Variants in SETD1B observed in about 807,000 individuals in gnomAD.
SETD1B encodes the protein SET domain containing 1B, histone lysine methyltransferase.
SETD1B carries 7 observed loss-of-function variants against 148.0 expected under a neutral mutation model. That is an observed-to-expected ratio of 0.05 (90% CI 0.03 to 0.09). The LOEUF is 0.09. Ranked by LOEUF, SETD1B falls within the 10% of genes least tolerant of loss-of-function variation. The pLI is 1.00. For missense variants in SETD1B, 2,155 were observed against 2,729.9 expected, an observed-to-expected ratio of 0.79 and a Z score of 4.69; for synonymous variants, 1,361 against 1,186.5, an observed-to-expected ratio of 1.15 and a Z score of -3.02.
At chr12:121,816,950 G>A (rs1339661348) in intron 7 of SETD1B, 83 bp from the exon 8 acceptor site, 2 of 1,287,884 alleles carry the variant, frequency 1.6e-6, no homozygotes, top group East Asian at 2.6e-5. Context: ...CTGCCGAGTG[G>A]AAGGCAGGTA....
At chr12:121,816,283 G>A (rs1286888118) in intron 7 of SETD1B, among the ~76,000 whole-genome samples, 5 of 105,712 alleles carry the variant, frequency 4.7e-5, no homozygotes, top group Admixed American at 1.3e-4. Flanking sequence ...CCCCTCCCTC[G>A]ACCGTGGTTA....
At chr12:121,807,776 G>A (rs963052128) in intron 4 of SETD1B, among the ~76,000 whole-genome samples, 4 of 152,004 alleles carry the variant, frequency 2.6e-5, no homozygotes, top group Non-Finnish European at 5.9e-5. Context: ...TGCTCACCTG[G>A]CCCCAGATAT....
chr12:121,813,342 A>G (rs1229381810), intron 6 of SETD1B, among the ~76,000 whole-genome samples: 1 of 152,200 alleles, frequency 6.6e-6, no homozygotes, highest in Non-Finnish European at 1.5e-5. Context: ...CTTCCTGTTT[A>G]TGGGCCTTAG....
At chr12:121,790,905 G>C in the SETD1B span, among the ~76,000 whole-genome samples, 1 of 152,104 alleles carries the variant, frequency 6.6e-6, no homozygotes, top group East Asian at 1.9e-4. Flanking sequence ...ACAGGGTCTC[G>C]CTCTGTTGCC....
intron 5 of SETD1B, among the ~76,000 whole-genome samples, chr12:121,809,165 C>T (rs1482715409): frequency 1.3e-5 from 2 of 152,226 alleles, no homozygotes; most frequent in African/African-American, 2.4e-5. Context: ...TGAGCCACCA[C>T]GCCTGGCCTC....
Position 121,804,672 on chromosome 12 carries a change from G to A in SETD1B, c.-14-52G>A. On this transcript the variant is annotated intron_variant, in intron 1 of 16. Coordinates refer to ENST00000604567, the MANE Select transcript of SETD1B (RefSeq NM_001353345.2). The surrounding 1 kb of genome is among the most constrained non-coding windows in gnomAD (Gnocchi z 4.6). Reference sequence around the variant, plus strand: ...TGGATTCTTTCGCGTGTGTGTAGAAGCGGCCGCCGCCGCCGCCGCGGCGGA... The same window carrying A: ...TGGATTCTTTCGCGTGTGTGTAGAAACGGCCGCCGCCGCCGCCGCGGCGGA... The A allele has an allele frequency of 6.7e-6, 10 of 1,499,540 alleles. No homozygotes were observed. The highest frequency in any genetic ancestry group is 9.0e-6 in the Non-Finnish European group (10 of 1,111,286). 92.9% of individuals were successfully genotyped at this position (1,499,540 alleles called of 1,614,324 possible). A position where few individuals can be genotyped will look rare whatever the true frequency, so the allele number is the denominator to read the frequency against.
In SETD1B at chr12:121,817,617, G is replaced by T; in HGVS notation, c.3225G>T (p.Glu1075Asp). The change falls in exon 9 of 17, where the codon GAG becomes GAT. Residue 1075 changes from glutamate to aspartate, a missense_variant. This residue lies in a region of SETD1B where 862 missense variants were observed against 873.8 expected (regional missense o/e 0.99). Coordinates refer to ENST00000604567, the MANE Select transcript of SETD1B (RefSeq NM_001353345.2). The surrounding 1 kb of genome is among the most constrained non-coding windows in gnomAD (Gnocchi z 8.1). Reference sequence around the variant, plus strand: ...AGGAGGAGGAACAGGAGAGCACCGAGGAGGAAGAGGAGGCGGAGGAGGAGG... The same window carrying T: ...AGGAGGAGGAACAGGAGAGCACCGATGAGGAAGAGGAGGCGGAGGAGGAGG... The part of the protein sequence containing the change: ...SDKEEEQEST[E>D]EEEEAEEEEE... 6.4e-7 allele frequency: 1 copy of T among 1,551,580 alleles called. No homozygotes were observed. Among genetic ancestry groups the T allele is most frequent in the Admixed American group, 2.0e-5 (1 of 51,014 alleles).
Position 121,817,503 on chromosome 12 carries a change from G to C in SETD1B, c.3111G>C (p.Glu1037Asp). 6.4e-7 allele frequency: 1 copy of C among 1,551,336 alleles called. No homozygotes were observed. The highest frequency in any genetic ancestry group is 1.4e-5 in the African/African-American group (1 of 73,178). ...LELDSGGEED[E>D]KESLSASSSS... Reference sequence around the variant, plus strand: ...TGGACAGTGGTGGGGAGGAGGACGAGAAGGAGTCATTGTCGGCGTCCTCGT... The same window carrying C: ...TGGACAGTGGTGGGGAGGAGGACGACAAGGAGTCATTGTCGGCGTCCTCGT... Residue 1037 changes from glutamate (E) to aspartate (D), a missense_variant, in exon 9 of 17, where the codon GAG becomes GAC. This residue lies in a region of SETD1B where 862 missense variants were observed against 873.8 expected (regional missense o/e 0.99). Transcript: ENST00000604567. This position sits in a 1 kb window ranked among gnomAD's most constrained non-coding sequence, Gnocchi z 8.1.
At position 121,823,705 on chromosome 12, in the gene SETD1B, A is replaced by G. The variant is rs1876700945; in HGVS notation, c.5126A>G (p.Asn1709Ser). The G allele has an allele frequency of 1.9e-6, 3 of 1,551,534 alleles. No homozygotes were observed. The highest frequency in any genetic ancestry group is 2.4e-5 in the East Asian group (1 of 40,906). The change falls in exon 12 of 17, where the codon AAT (asparagine) becomes AGT (serine). Residue 1709 changes from asparagine to serine, a missense_variant. Around this residue, in one of 11 missense-constraint regions of SETD1B, gnomAD observed 96 missense variants for 148.7 expected, o/e 0.65. Transcript: ENST00000604567. ...VTYERLLQQD[N>S]GMDWLNDTLW... ...TACGAGCGACTGCTACAGCAGGACA[A>G]TGGCATGGACTGGCTTAACGACACG... is the stretch of plus-strand genomic sequence containing the variant.
chr12:121,793,157 G>A, the SETD1B span: 1 of 1,550,046 alleles, frequency 6.5e-7, no homozygotes, highest in East Asian at 2.4e-5. Context: ...CTCACCGGCC[G>A]TGTCGTAGAG....
rs923571959 is a variant in SETD1B at position 121,831,626 on chromosome 12, AAAAG to A, written c.*1388_*1391del. On this transcript the variant is annotated 3_prime_UTR_variant, in exon 17 of 17. Coordinates refer to ENST00000604567, the MANE Select transcript of SETD1B (RefSeq NM_001353345.2). ...GCTCATTTCTTTGTACTTCCAAAAA[AAAAG>A]GAAAAAAAAGACAAAAGCAAGTCCC... 3 of 152,012 alleles carry A rather than the reference AAAAG, an allele frequency of 2.0e-5. No individual in the cohort carries two copies. The highest frequency in any genetic ancestry group is 4.4e-5 in the Non-Finnish European group (3 of 67,966). 9.4% of individuals were successfully genotyped at this position (152,012 alleles called of 1,614,324 possible).
chr12:121,811,416 A>G (rs982904392), intron 6 of SETD1B, among the ~76,000 whole-genome samples: 3 of 142,156 alleles, frequency 2.1e-5, no homozygotes, highest in Non-Finnish European at 4.6e-5. Context: ...TCCAGGGATG[A>G]AGGAGTTAAG....
At chr12:121,798,243 T>C in the SETD1B span, among the ~76,000 whole-genome samples, 1 of 152,332 alleles carries the variant, frequency 6.6e-6, no homozygotes, top group African/African-American at 2.4e-5. Context: ...ACCCAAATCT[T>C]GACCCCATCA....
At chr12:121,796,292 C>G in the SETD1B span, 3 of 152,852 alleles carry the variant, frequency 2.0e-5, no homozygotes, top group Admixed American at 6.5e-5. Context: ...GTTCCTGACA[C>G]AACAGCTGTT....
the SETD1B span, chr12:121,793,608 T>TG: frequency 6.5e-7 from 1 of 1,549,924 alleles, no homozygotes; most frequent in Non-Finnish European, 8.7e-7. Flanking sequence ...GGCGGCGGTC[T>TG]GGGCCAGGGC....
At chr12:121,813,780 C>T (rs1876150930) in intron 6 of SETD1B, among the ~76,000 whole-genome samples, 1 of 152,194 alleles carries the variant, frequency 6.6e-6, no homozygotes, top group Non-Finnish European at 1.5e-5. Context: ...TTTGCCTTTT[C>T]CTGCTGGCTC....
chr12:121,829,388 T>C (rs1235780121), intron 16 of SETD1B, among the ~76,000 whole-genome samples: 2 of 152,034 alleles, frequency 1.3e-5, no homozygotes, highest in African/African-American at 2.4e-5. Flanking sequence ...CCGGCCCTGG[T>C]TGGGGCCAGA....
chr12:121,829,213 A>G (rs1361079063), intron 16 of SETD1B, among the ~76,000 whole-genome samples: 1 of 152,110 alleles, frequency 6.6e-6, no homozygotes, highest in Admixed American at 6.6e-5. Context: ...CCCTTTGGAA[A>G]CGTTTCCCTG....
At chr12:121,793,783 T>C in the SETD1B span, 1 of 626,552 alleles carries the variant, frequency 1.6e-6, no homozygotes, top group African/African-American at 2.0e-5. Flanking sequence ...AGCCTCAGTT[T>C]CCTTTCTGCT....
Sources: gnomAD v4.1 joint callset for allele counts (sites outside exome capture counted in the v4.1 genomes callset) on GRCh38, gnomAD v4.1.1 for gene constraint, gnomAD v4.1.1 regional missense constraint, Gnocchi (gnomAD v3.1) non-coding constraint, MANE v1.5 for transcripts, NCBI Gene and HGNC (gene_info 2026-07-23, HGNC 2026-07-21) for gene names.